The following HOXD8 variants were observed in gnomAD, a reference collection of about 807,000 sequenced individuals.
The protein encoded by HOXD8 is homeobox protein Hox-D8.
HOXD8 carries 17 observed loss-of-function variants against 25.4 expected under a neutral mutation model. That is an observed-to-expected ratio of 0.67 (90% confidence interval 0.46 to 1.00). The LOEUF is 1.00. Ranked by LOEUF, HOXD8 falls within the 50% of genes least tolerant of loss-of-function variation. The pLI, the probability that HOXD8 is intolerant of heterozygous loss-of-function variation, is 0.00. For missense variants in HOXD8, 511 were observed against 398.5 expected, an observed-to-expected ratio of 1.28 and a Z score of -2.40; for synonymous variants, 203 against 175.3, an observed-to-expected ratio of 1.16 and a Z score of -1.25.
chr2:176,130,406 A>G lies in HOXD8; in HGVS notation c.40A>G (p.Lys14Glu), dbSNP rs973599139. The change falls in exon 1 of 2, where the codon AAG becomes GAG. Residue 14 changes from lysine (K) to glutamate (E), a missense_variant. Physicochemically the swap from Lys to Glu is moderately conservative, Grantham distance 56 (BLOSUM62 1). Coordinates refer to ENST00000313173, the MANE Select transcript of HOXD8 (RefSeq NM_019558.4). Reference sequence around the variant, plus strand: ...CGTGAACCCGCTGTACTCCAAGTACAAGGCGGCGGCTGCGGCGGCGGCGGC... The same window carrying G: ...CGTGAACCCGCTGTACTCCAAGTACGAGGCGGCGGCTGCGGCGGCGGCGGC... ...YFVNPLYSKY[K>E]AAAAAAAAAG... 7 of 1,487,276 alleles carry G rather than the reference A, an allele frequency of 4.7e-6. No individual in the cohort carries two copies. Among genetic ancestry groups the G allele is most frequent in the African/African-American group, 4.4e-5 (3 of 67,514 alleles). The allele number at this position is 1,487,276 out of a possible 1,614,324, so 92.1% of individuals were successfully genotyped here.
rs1690039587 is a variant in HOXD8, at chr2:176,129,840, C to T, written c.-527C>T. The T allele has an allele frequency of 4.0e-6, 1 of 252,998 alleles. No individual in the cohort carries two copies. The highest frequency in any genetic ancestry group is 7.8e-6 in the Non-Finnish European group (1 of 127,522). The allele number at this position is 252,998 out of a possible 1,614,324, so 15.7% of individuals were successfully genotyped here. The stretch of plus-strand genomic sequence containing the variant: ...TGGCGGGAGGGGGGCGCGGGGGGGG[C>T]GCGGTAAGAGGTGGCGGCGGGCAGA... On this transcript the variant is annotated 5_prime_UTR_variant, in exon 1 of 2. Transcript: ENST00000313173.
In HOXD8 at chr2:176,130,352, G is replaced by A. The variant is rs1690058518; in HGVS notation, c.-15G>A. The A allele has an allele frequency of 8.6e-6, 12 of 1,392,140 alleles. No homozygotes were observed. Among genetic ancestry groups the A allele is most frequent in the Non-Finnish European group, 1.1e-5 (12 of 1,083,612 alleles). 86.2% of individuals were successfully genotyped at this position (1,392,140 alleles called of 1,614,324 possible). The stretch of plus-strand genomic sequence containing the variant: ...CGCCGCCCGCCCGCCCGGGGCCGCC[G>A]CCGCTGACGCCCCAATGAGTTCGTA... On this transcript the variant is annotated 5_prime_UTR_variant, in exon 1 of 2. Coordinates refer to ENST00000313173, the MANE Select transcript of HOXD8 (RefSeq NM_019558.4).
Position 176,129,758 on chromosome 2 carries a change from G to T in HOXD8, c.-609G>T. ...CTGACTTTCCGTGCAGTGCTGTGGT[G>T]CGAAAATGCCTCGCCGGTGCGCACC... On this transcript the variant is annotated 5_prime_UTR_variant, in exon 1 of 2. Transcript: ENST00000313173. The T allele has an allele frequency of 3.9e-6, 1 of 255,328 alleles. No homozygotes were observed. Among genetic ancestry groups the T allele is most frequent in the South Asian group, 3.9e-5 (1 of 25,324 alleles). 15.8% of individuals were successfully genotyped at this position (255,328 alleles called of 1,614,324 possible).
In HOXD8 at chr2:176,130,664, A is replaced by G; in HGVS notation, c.298A>G (p.Ser100Gly). ...GGAGTACTTCCACCCCGGCGGGGGC[A>G]GCCCGGCCGCTGCCTACCAGGCCGC... ...GQEYFHPGGG[S>G]PAAAYQAAPP... Residue 100 changes from serine (S) to glycine (G), a missense_variant, in exon 1 of 2, where the codon AGC becomes GGC. Ser to Gly is a moderately conservative substitution (Grantham distance 56). Coordinates refer to ENST00000313173, the MANE Select transcript of HOXD8 (RefSeq NM_019558.4). The G allele has an allele frequency of 1.3e-6, 2 of 1,553,528 alleles. No homozygotes were observed. The highest frequency in any genetic ancestry group is 1.7e-6 in the Non-Finnish European group (2 of 1,153,488).
Position 176,130,387 on chromosome 2 carries a change from C to T in HOXD8, c.21C>T (p.Asn7=), listed in dbSNP as rs762844541. 2,166 of 1,465,912 alleles carry T rather than the reference C, an allele frequency of 1.5e-3. No homozygotes were observed. Among genetic ancestry groups the T allele is most frequent in the Non-Finnish European group, 1.9e-3 (2,103 of 1,118,916 alleles). The allele number at this position is 1,465,912 out of a possible 1,614,324, so 90.8% of individuals were successfully genotyped here. A position where few individuals can be genotyped will look rare whatever the true frequency, so the allele number is the denominator to read the frequency against. The change falls in exon 1 of 2, where the codon AAC becomes AAT. Residue 7 remains asparagine (N), a synonymous_variant. Coordinates refer to ENST00000313173, the MANE Select transcript of HOXD8 (RefSeq NM_019558.4). MSSYFV[N]PLYSKYKAAA... ...CCCCAATGAGTTCGTACTTCGTGAA[C>T]CCGCTGTACTCCAAGTACAAGGCGG...
rs1293508805 is a variant in HOXD8, at chr2:176,131,817, T to C, written c.*205T>C. 2.1e-6 allele frequency: 1 copy of C among 482,994 alleles called. No individual in the cohort carries two copies. The highest frequency in any genetic ancestry group is 3.6e-6 in the Non-Finnish European group (1 of 276,490). The allele number at this position is 482,994 out of a possible 1,614,324, so 29.9% of individuals were successfully genotyped here. On this transcript the variant is annotated 3_prime_UTR_variant, in exon 2 of 2. Coordinates refer to ENST00000313173, the MANE Select transcript of HOXD8 (RefSeq NM_019558.4). ...TCACATAGAAGCTGTCCTTGAGCTG[T>C]CCTATGGAAGGGTAATTTGATACTG...
In HOXD8 at chr2:176,130,533, A is replaced by G; in HGVS notation, c.167A>G (p.Asn56Ser). The G allele has an allele frequency of 1.4e-6, 2 of 1,478,636 alleles. No individual in the cohort carries two copies. Among genetic ancestry groups the G allele is most frequent in the Middle Eastern group, 1.8e-4 (1 of 5,660 alleles). The allele number at this position is 1,478,636 out of a possible 1,614,324, so 91.6% of individuals were successfully genotyped here. The change falls in exon 1 of 2, where the codon AAC becomes AGC. Residue 56 changes from asparagine to serine, a missense_variant. Asn to Ser is a conservative substitution (Grantham distance 46). Transcript: ENST00000313173. ...AAAAALQLYGNSAAGFPHAPP... is the reference protein window; with the variant it reads ...AAAAALQLYGSSAAGFPHAPP... The stretch of plus-strand genomic sequence containing the variant: ...GCAGCAGCCCTGCAGCTCTATGGCA[A>G]CAGCGCCGCCGGCTTCCCGCACGCG...
Position 176,131,049 on chromosome 2 carries a change from T to G in HOXD8, c.577+106T>G, listed in dbSNP as rs771221142. The G allele has an allele frequency of 4.4e-4, 351 of 806,170 alleles. 3 individuals are homozygous for G. The highest frequency in any genetic ancestry group is 3.1e-3 in the Middle Eastern group (12 of 3,828). 49.9% of individuals were successfully genotyped at this position (806,170 alleles called of 1,614,324 possible). On this transcript the variant is annotated intron_variant, in intron 1 of 1. Coordinates refer to ENST00000313173, the MANE Select transcript of HOXD8 (RefSeq NM_019558.4). ...TCCCTCTCCCCCTCCTTTTCCTTCTTGTGTAGCCACAGTGGCTCTTATTCA... is the reference window on the plus strand; with the variant it reads ...TCCCTCTCCCCCTCCTTTTCCTTCTGGTGTAGCCACAGTGGCTCTTATTCA...
At position 176,130,407 on chromosome 2, in the gene HOXD8, A is replaced by AGGCGGCGGCTGCGGC. The variant is rs1690060947; in HGVS notation, c.51_65dup (p.Ala19_Ala23dup). Reference sequence around the variant, plus strand: ...GTGAACCCGCTGTACTCCAAGTACAAGGCGGCGGCTGCGGCGGCGGCGGCG... The same window carrying AGGCGGCGGCTGCGGC: ...GTGAACCCGCTGTACTCCAAGTACAAGGCGGCGGCTGCGGCGGCGGCGGCTGCGGCGGCGGCGGCG... On this transcript the variant is annotated inframe_insertion, in exon 1 of 2. Transcript: ENST00000313173. 2.7e-6 allele frequency: 4 copies of AGGCGGCGGCTGCGGC among 1,486,716 alleles called. No individual in the cohort carries two copies. Among genetic ancestry groups the AGGCGGCGGCTGCGGC allele is most frequent in the South Asian group, 1.3e-5 (1 of 79,678 alleles). 92.1% of individuals were successfully genotyped at this position (1,486,716 alleles called of 1,614,324 possible).
In HOXD8 at chr2:176,131,331, CGAAGAG is replaced by C; in HGVS notation, c.598_603del (p.Gly200_Arg201del). 1.9e-6 allele frequency: 3 copies of C among 1,562,128 alleles called. No homozygotes were observed. Among genetic ancestry groups the C allele is most frequent in the Non-Finnish European group, 2.6e-6 (3 of 1,156,608 alleles). On this transcript the variant is annotated inframe_deletion, in exon 2 of 2. Transcript: ENST00000313173. The stretch of plus-strand genomic sequence containing the variant: ...GTTTTAATCAGCAGCTCCTGGTAGA[CGAAGAG>C]GAAGACAAACCTACAGTCGCTTCCA...
At position 176,132,085 on chromosome 2, in the gene HOXD8, TTTA is replaced by T. The variant is rs1310576043; in HGVS notation, c.*476_*478del. 6.6e-6 allele frequency: 1 copy of T among 152,474 alleles called. No homozygotes were observed. Among genetic ancestry groups the T allele is most frequent in the Non-Finnish European group, 1.5e-5 (1 of 68,194 alleles). 9.4% of individuals were successfully genotyped at this position (152,474 alleles called of 1,614,324 possible). A position where few individuals can be genotyped will look rare whatever the true frequency, so the allele number is the denominator to read the frequency against. On this transcript the variant is annotated 3_prime_UTR_variant, in exon 2 of 2. Transcript: ENST00000313173. ...ATTACAATGTATTATTTATGGATTT[TTTA>T]TTCTTTCCTTTATAATGAATAGTTC...
chr2:176,129,925 C>A lies in HOXD8; in HGVS notation c.-442C>A, dbSNP rs1033856674. ...TTTGTAAACCGAGGCCAGAGTGTCCCCGTGGGCCGAGCGCACTTTTTTCTT... is the reference window on the plus strand; with the variant it reads ...TTTGTAAACCGAGGCCAGAGTGTCCACGTGGGCCGAGCGCACTTTTTTCTT... On this transcript the variant is annotated 5_prime_UTR_variant, in exon 1 of 2. Coordinates refer to ENST00000313173, the MANE Select transcript of HOXD8 (RefSeq NM_019558.4). 3.4e-5 allele frequency: 6 copies of A among 178,572 alleles called. No homozygotes were observed. The highest frequency in any genetic ancestry group is 5.9e-5 in the Non-Finnish European group (5 of 84,904). The allele number at this position is 178,572 out of a possible 1,614,324, so 11.1% of individuals were successfully genotyped here. A position where few individuals can be genotyped will look rare whatever the true frequency, so the allele number is the denominator to read the frequency against.
rs1165071985 is a variant in HOXD8 at position 176,130,556 on chromosome 2, G to A, written c.190G>A (p.Ala64Thr). 2.7e-6 allele frequency: 4 copies of A among 1,464,194 alleles called. No homozygotes were observed. Among genetic ancestry groups the A allele is most frequent in the Non-Finnish European group, 3.6e-6 (4 of 1,118,332 alleles). The allele number at this position is 1,464,194 out of a possible 1,614,324, so 90.7% of individuals were successfully genotyped here. Reference protein sequence around the residue: ...YGNSAAGFPHAPPQAHAHPHP... With the variant: ...YGNSAAGFPHTPPQAHAHPHP... ...CAACAGCGCCGCCGGCTTCCCGCAC[G>A]CGCCCCCGCAGGCGCACGCGCACCC... Residue 64 changes from alanine to threonine, a missense_variant, in exon 1 of 2, where the codon GCG becomes ACG. Physicochemically the swap from Ala to Thr is moderately conservative, Grantham distance 58. Transcript: ENST00000313173.
Position 176,130,548 on chromosome 2 carries a change from TCCCGCAC to T in HOXD8, c.183_189del (p.Phe61LeufsTer114). 1 of 1,470,824 alleles carries T rather than the reference TCCCGCAC, an allele frequency of 6.8e-7. No homozygotes were observed. The highest frequency in any genetic ancestry group is 8.9e-7 in the Non-Finnish European group (1 of 1,119,776). The allele number at this position is 1,470,824 out of a possible 1,614,324, so 91.1% of individuals were successfully genotyped here. ...CTCTATGGCAACAGCGCCGCCGGCT[TCCCGCAC>T]GCGCCCCCGCAGGCGCACGCGCACC... On this transcript the variant is annotated frameshift_variant, in exon 1 of 2. Transcript: ENST00000313173. LOFTEE classifies it high-confidence loss of function.
chr2:176,130,508 G>T lies in HOXD8; in HGVS notation c.142G>T (p.Ala48Ser), dbSNP rs1014839529. Residue 48 changes from alanine to serine, a missense_variant, in exon 1 of 2, where the codon GCA (alanine) becomes TCA (serine). Physicochemically the swap from Ala to Ser is moderately conservative, Grantham distance 99 (BLOSUM62 1). Transcript: ENST00000313173. The stretch of plus-strand genomic sequence containing the variant: ...GGTCGGCGGCCGTCACGCCGCCGCC[G>T]CAGCAGCCCTGCAGCTCTATGGCAA... ...PEVGGRHAAA[A>S]AALQLYGNSA... 3 of 1,491,262 alleles carry T rather than the reference G, an allele frequency of 2.0e-6. No homozygotes were observed. The highest frequency in any genetic ancestry group is 2.2e-5 in the Admixed American group (1 of 44,682). 92.4% of individuals were successfully genotyped at this position (1,491,262 alleles called of 1,614,324 possible).
intron 1 of HOXD8, 105 bp from the exon 2 acceptor site, chr2:176,131,211 AT>A: frequency 9.6e-7 from 1 of 1,039,640 alleles, no homozygotes. Context: ...CTCTGTGTAT[AT>A]TTCACCCCGT....
rs1199244688 is a variant in HOXD8, at chr2:176,130,716, C to T, written c.350C>T (p.Pro117Leu). ...AAPPPPPHPP[P>L]PPPPPPCGGI... ...CCCCCTCCTCCTCCGCATCCTCCGC[C>T]TCCGCCGCCACCTCCCCCCTGCGGC... is the stretch of plus-strand genomic sequence containing the variant. The change falls in exon 1 of 2, where the codon CCT becomes CTT. Residue 117 changes from proline to leucine, a missense_variant. Coordinates refer to ENST00000313173, the MANE Select transcript of HOXD8 (RefSeq NM_019558.4). 1.9e-6 allele frequency: 3 copies of T among 1,605,866 alleles called. No homozygotes were observed. Among genetic ancestry groups the T allele is most frequent in the Non-Finnish European group, 2.6e-6 (3 of 1,175,436 alleles).
At chr2:176,131,220 C>G in intron 1 of HOXD8, 97 bp from the exon 2 acceptor site, 1 of 1,147,030 alleles carries the variant, frequency 8.7e-7, no homozygotes, top group Non-Finnish European at 1.2e-6. Context: ...TATTTCACCC[C>G]GTAGACCCCC....
Position 176,130,408 on chromosome 2 carries a change from GGCGGCGGCT to G in HOXD8, c.51_59del (p.Ala21_Ala23del), listed in dbSNP as rs764664828. On this transcript the variant is annotated inframe_deletion, in exon 1 of 2. Coordinates refer to ENST00000313173, the MANE Select transcript of HOXD8 (RefSeq NM_019558.4). ...TGAACCCGCTGTACTCCAAGTACAAGGCGGCGGCTGCGGCGGCGGCGGCGGCGGGCGAGG... is the reference window on the plus strand; with the variant it reads ...TGAACCCGCTGTACTCCAAGTACAAGGCGGCGGCGGCGGCGGCGGGCGAGG... 1.3e-4 allele frequency: 190 copies of G among 1,487,994 alleles called. No homozygotes were observed. The highest frequency in any genetic ancestry group is 1.8e-4 in the Middle Eastern group (1 of 5,458). 92.2% of individuals were successfully genotyped at this position (1,487,994 alleles called of 1,614,324 possible).
Sources: gnomAD v4.1 joint callset for allele counts on GRCh38, gnomAD v4.1.1 for gene constraint, MANE v1.5 for transcripts, NCBI Gene and HGNC (gene_info 2026-07-23, HGNC 2026-07-21) for gene names.